The following PIEZO2 variants were observed in gnomAD, a reference collection of about 807,000 sequenced individuals.
PIEZO2 encodes piezo type mechanosensitive ion channel component 2.
A neutral mutation model predicts 337.3 loss-of-function variants in PIEZO2; 172 were observed. The observed-to-expected ratio is 0.51, with a 90% CI of 0.45 to 0.58. PIEZO2 has a LOEUF of 0.58. Ranked by LOEUF, PIEZO2 falls within the 20% of genes least tolerant of loss-of-function variation. The pLI, the probability that PIEZO2 is intolerant of heterozygous loss-of-function variation, is 0.00. For synonymous variants in PIEZO2, 1,251 were observed against 1,228.5 expected, an observed-to-expected ratio of 1.02 and a Z score of -0.38; for missense variants, 3,028 against 3,391.3, an observed-to-expected ratio of 0.89 and a Z score of 2.66.
At chr18:11,075,473 G>A (rs528248926) in intron 1 of PIEZO2, among the ~76,000 whole-genome samples, 7 of 152,198 alleles carry the variant, frequency 4.6e-5, no homozygotes, top group Admixed American at 1.3e-4. Flanking sequence ...GTTTTACATC[G>A]GTTGAAACCG....
At chr18:10,687,673 G>A (rs138597157) in intron 49 of PIEZO2, among the ~76,000 whole-genome samples, 3 of 152,270 alleles carry the variant, frequency 2.0e-5, no homozygotes, top group Non-Finnish European at 4.4e-5. Flanking sequence ...CACTGGTGGT[G>A]GAACTCTGAG....
rs2034288979 is a variant in PIEZO2, at chr18:10,682,038, A to G, written c.7686+66T>C. The G allele has an allele frequency of 1.4e-6, 2 of 1,425,440 alleles. No individual in the cohort carries two copies. Among genetic ancestry groups the G allele is most frequent in the Non-Finnish European group, 1.9e-6 (2 of 1,069,738 alleles). 88.3% of individuals were successfully genotyped at this position (1,425,440 alleles called of 1,614,324 possible). A position where few individuals can be genotyped will look rare whatever the true frequency, so the allele number is the denominator to read the frequency against. On this transcript the variant is annotated intron_variant, in intron 50 of 55. Transcript: ENST00000674853. The surrounding 1 kb of genome is among the most constrained non-coding windows in gnomAD (Gnocchi z 5.6). ...CAGCCCATGACTAAACACCCTACAGACAGCTATCATAAAGGAATGTGGCGT... is the reference window on the plus strand; with the variant it reads ...CAGCCCATGACTAAACACCCTACAGGCAGCTATCATAAAGGAATGTGGCGT...
Position 11,032,830 on chromosome 18 carries a change from C to T in PIEZO2, c.160+33297G>A, listed in dbSNP as rs1247396972. Among the ~76,000 whole-genome samples the T allele has an allele frequency of 3.9e-5, 6 of 152,156 alleles. No homozygotes were observed. Among genetic ancestry groups the T allele is most frequent in the African/African-American group, 1.4e-4 (6 of 41,424 alleles). On this transcript the variant is annotated intron_variant, in intron 2 of 55. Transcript: ENST00000674853. The surrounding 1 kb of genome is among the most constrained non-coding windows in gnomAD (Gnocchi z 4.9). ...GATCGATAAGAACTCTTTTGGACCTCGCCTGTTTAAGTAGCCCACCCTAAG... is the reference window on the plus strand; with the variant it reads ...GATCGATAAGAACTCTTTTGGACCTTGCCTGTTTAAGTAGCCCACCCTAAG...
intron 9 of PIEZO2, among the ~76,000 whole-genome samples, chr18:10,802,497 C>T (rs1378266274): frequency 6.6e-6 from 1 of 152,018 alleles, no homozygotes; most frequent in Non-Finnish European, 1.5e-5. Flanking sequence ...TTTTTTAAAA[C>T]AAATAGTGAA....
chr18:11,001,656 T>C lies in PIEZO2; in HGVS notation c.161-21996A>G. On this transcript the variant is annotated intron_variant, in intron 2 of 55. Transcript: ENST00000674853. This position sits in a 1 kb window ranked among gnomAD's most constrained non-coding sequence, Gnocchi z 5.3. ...ACTTTGGGAGGCTGAGGTGGGCGGA[T>C]CATCTGAGGTCGGGAGTTCGAGACC... 6.6e-6 allele frequency among the ~76,000 whole-genome samples: 1 copy of C among 151,978 alleles called. No homozygotes were observed.
intron 2 of PIEZO2, among the ~76,000 whole-genome samples, chr18:11,030,507 T>C (rs11080473): frequency 0.22 from 33,297 of 152,168 alleles, 3,859 homozygotes; most frequent in Non-Finnish European, 0.25. Flanking sequence ...GACAACCTTG[T>C]AGTGGTTACG....
At chr18:10,742,809 T>C (rs1012681676) in intron 31 of PIEZO2, among the ~76,000 whole-genome samples, 194 bp from the exon 32 acceptor site, 31 of 151,402 alleles carry the variant, frequency 2.0e-4, no homozygotes, top group African/African-American at 7.1e-4. Flanking sequence ...TGTGTGTGTG[T>C]GTGTGTGTGT....
chr18:10,785,939 C>G lies in PIEZO2; in HGVS notation c.2319-982G>C, dbSNP rs571198977. On this transcript the variant is annotated intron_variant, in intron 16 of 55. Coordinates refer to ENST00000674853, the MANE Select transcript of PIEZO2 (RefSeq NM_001378183.1). ...CATCCCAGCTGCCTGCCTGAATTCT[C>G]CCCACTCTTCGCTGTCCACTCACCC... Among the ~76,000 whole-genome samples the G allele has an allele frequency of 1.3e-5, 2 of 152,080 alleles. 1 individual carries two copies. Among genetic ancestry groups the G allele is most frequent in the South Asian group, 4.1e-4 (2 of 4,822 alleles).
chr18:10,805,669 A>G (rs893473960), intron 8 of PIEZO2, among the ~76,000 whole-genome samples: 7 of 152,262 alleles, frequency 4.6e-5, no homozygotes, highest in African/African-American at 1.4e-4. Flanking sequence ...AGAAAAATAT[A>G]ACACAACATG....
intron 3 of PIEZO2, among the ~76,000 whole-genome samples, chr18:10,916,360 C>T (rs1476277571): frequency 5.9e-5 from 9 of 152,144 alleles, no homozygotes; most frequent in African/African-American, 9.7e-5. Context: ...AGGGGAGGCT[C>T]GGGCCTGTGC....
At position 10,895,796 on chromosome 18, in the gene PIEZO2, CGCCTGTAAT is replaced by C. The variant is rs1568175046; in HGVS notation, c.329+15381_329+15389del. On this transcript the variant is annotated intron_variant, in intron 4 of 55. Coordinates refer to ENST00000674853, the MANE Select transcript of PIEZO2 (RefSeq NM_001378183.1). This position sits in a 1 kb window ranked among gnomAD's most constrained non-coding sequence, Gnocchi z 4.8. ...TCAGAGCCAGGCACGGGCAGGCTCA[CGCCTGTAAT>C]CCCAGCACTTTGGGAGGCTGAGGTG... is the stretch of plus-strand genomic sequence containing the variant. 6.6e-6 allele frequency among the ~76,000 whole-genome samples: 1 copy of C among 152,068 alleles called. No individual in the cohort carries two copies. The highest frequency in any genetic ancestry group is 1.5e-5 in the Non-Finnish European group (1 of 68,012).
chr18:10,957,772 A>G (rs77134107), intron 3 of PIEZO2, among the ~76,000 whole-genome samples: 2,225 of 152,334 alleles, frequency 0.015, 58 homozygotes, highest in African/African-American at 0.048. Context: ...ATACATCTGA[A>G]AAGGAGCTAA....
chr18:10,955,322 G>A (rs2033470280), intron 3 of PIEZO2, among the ~76,000 whole-genome samples: 1 of 152,220 alleles, frequency 6.6e-6, no homozygotes, highest in South Asian at 2.1e-4. Flanking sequence ...GAGCAAGAGA[G>A]CAAGGAGACA....
chr18:10,696,323 GGCAATTCATGGCAGGAA>G, intron 46 of PIEZO2, 35 bp from the exon 47 acceptor site: 2 of 1,613,680 alleles, frequency 1.2e-6, no homozygotes, highest in Non-Finnish European at 1.7e-6. Flanking sequence ...GCCCAAGAGA[GGCAATTCATGGCAGGAA>G]GCGCCATCGC....
At chr18:11,043,224 A>C (rs977566796) in intron 2 of PIEZO2, among the ~76,000 whole-genome samples, 3 of 141,900 alleles carry the variant, frequency 2.1e-5, no homozygotes, top group Non-Finnish European at 4.6e-5. Context: ...AAAAGAGGAA[A>C]TATCTCCTCC....
In PIEZO2 at chr18:11,032,187, C is replaced by T. The variant is rs2036766718; in HGVS notation, c.160+33940G>A. Among the ~76,000 whole-genome samples, 1 of 152,164 alleles carries T rather than the reference C, an allele frequency of 6.6e-6. No individual in the cohort carries two copies. Among genetic ancestry groups the T allele is most frequent in the African/African-American group, 2.4e-5 (1 of 41,430 alleles). On this transcript the variant is annotated intron_variant, in intron 2 of 55. Transcript: ENST00000674853. The surrounding 1 kb of genome is among the most constrained non-coding windows in gnomAD (Gnocchi z 4.9). ...GGCAAAAATGCAAAACCCAAATGAA[C>T]ACAGCAGCAGAGAGCCTTATGTCTC...
chr18:11,062,945 A>T (rs1444601810), intron 2 of PIEZO2, among the ~76,000 whole-genome samples: 1 of 152,214 alleles, frequency 6.6e-6, no homozygotes, highest in Admixed American at 6.5e-5. Flanking sequence ...ATGCTGCTAT[A>T]AAGACACATG....
rs184654868 is a variant in PIEZO2 at position 10,979,377 on chromosome 18, A to G, written c.286+158T>C. 1.7e-3 allele frequency among the ~76,000 whole-genome samples: 259 copies of G among 152,276 alleles called. 2 individuals are homozygous for G. The highest frequency in any genetic ancestry group is 2.2e-4 in the Non-Finnish European group (15 of 68,012). On this transcript the variant is annotated intron_variant, in intron 3 of 55. Transcript: ENST00000674853. The surrounding 1 kb of genome is among the most constrained non-coding windows in gnomAD (Gnocchi z 4.0). Reference sequence around the variant, plus strand: ...ATCTTCCATGGCAAAGCTTCTTTATATATATTTACACTGCATTGCCAAAGA... The same window carrying G: ...ATCTTCCATGGCAAAGCTTCTTTATGTATATTTACACTGCATTGCCAAAGA...
At chr18:11,106,167 A>G (rs2039553107) in intron 1 of PIEZO2, among the ~76,000 whole-genome samples, 1 of 151,980 alleles carries the variant, frequency 6.6e-6, no homozygotes, top group South Asian at 2.1e-4. Context: ...GCTCACTGCA[A>G]GCTCCGCCTC....
Sources: allele counts gnomAD v4.1 joint callset (sites outside exome capture counted in the v4.1 genomes callset), GRCh38; gene constraint gnomAD v4.1.1; non-coding constraint Gnocchi (gnomAD v3.1); transcripts MANE v1.5; gene names NCBI Gene and HGNC (gene_info 2026-07-23, HGNC 2026-07-21).